Variants in EXOC6B observed in about 807,000 individuals in gnomAD.
EXOC6B encodes the protein SEC15 homolog B.
EXOC6B carries 54 observed loss-of-function variants against 113.5 expected under a neutral mutation model. The ratio of observed to expected loss-of-function variants is 0.48; its 90% confidence interval spans 0.38 to 0.60. The LOEUF is 0.60. Ranked by LOEUF, EXOC6B falls within the 20% of genes least tolerant of loss-of-function variation. The probability of loss-of-function intolerance (pLI) is 0.00; values close to 1 mark genes in which losing one functional copy is unlikely to be tolerated. For missense variants in EXOC6B, 797 were observed against 977.5 expected (o/e 0.82, Z 2.46); for synonymous variants, 357 against 339.0 (o/e 1.05, Z -0.58).
At chr2:72,337,380 C>A (rs907403164) in intron 19 of EXOC6B, among the ~76,000 whole-genome samples, 3 of 152,170 alleles carry the variant, frequency 2.0e-5, no homozygotes, top group African/African-American at 7.2e-5. Context: ...TCAAACCCTA[C>A]TTGTGTCAAA....
At chr2:72,349,082 A>G (rs1339686975) in intron 19 of EXOC6B, among the ~76,000 whole-genome samples, 1 of 152,180 alleles carries the variant, frequency 6.6e-6, no homozygotes, top group Non-Finnish European at 1.5e-5. Context: ...CCCTTGTAGA[A>G]TTTACTAGCT....
chr2:72,304,241 T>A (rs1357101595), intron 20 of EXOC6B, among the ~76,000 whole-genome samples: 1 of 152,244 alleles, frequency 6.6e-6, no homozygotes, highest in Non-Finnish European at 1.5e-5. Flanking sequence ...TTTATTCTAA[T>A]TCTCTCTCTT....
At chr2:72,444,280 C>T (rs1468645410) in intron 18 of EXOC6B, among the ~76,000 whole-genome samples, 1 of 152,238 alleles carries the variant, frequency 6.6e-6, no homozygotes, top group Non-Finnish European at 1.5e-5. Context: ...TTCCCATTAT[C>T]TTAGGCAGCT....
At chr2:72,710,630 G>A (rs2104687006) in intron 6 of EXOC6B, among the ~76,000 whole-genome samples, 1 of 152,280 alleles carries the variant, frequency 6.6e-6, no homozygotes, top group South Asian at 2.1e-4. Context: ...CATACAAGAG[G>A]CTTCAACAAT....
intron 6 of EXOC6B, among the ~76,000 whole-genome samples, chr2:72,638,089 G>T (rs1198307349): frequency 6.6e-6 from 1 of 151,982 alleles, no homozygotes; most frequent in East Asian, 1.9e-4. Flanking sequence ...TTTCTGAAAA[G>T]ATAAAATCAA....
At chr2:72,646,350 G>T (rs1402378976) in intron 6 of EXOC6B, among the ~76,000 whole-genome samples, 2 of 151,880 alleles carry the variant, frequency 1.3e-5, no homozygotes, top group Non-Finnish European at 2.9e-5. Context: ...TCACAGCTGG[G>T]TTCTACCAGA....
chr2:72,437,933 C>T (rs1695973144), intron 18 of EXOC6B, among the ~76,000 whole-genome samples: 1 of 152,128 alleles, frequency 6.6e-6, no homozygotes, highest in Non-Finnish European at 1.5e-5. Context: ...AGCTGGACTA[C>T]TAATGCAATT....
Position 72,233,618 on chromosome 2 carries a change from G to T in EXOC6B, c.2197-49431C>A, listed in dbSNP as rs537442460. Among the ~76,000 whole-genome samples, 5 of 152,156 alleles carry T rather than the reference G, an allele frequency of 3.3e-5. No individual in the cohort carries two copies. In the South Asian group the frequency reaches 6.2e-4, roughly 19 times the overall value. ...GTGGGGGCAACTCTTGAGTCCAGGG[G>T]GACCTCTACAAGCCTTAGGTCCTAG... On this transcript the variant is annotated intron_variant, in intron 20 of 21. Transcript: ENST00000272427.
chr2:72,250,400 TG>T lies in EXOC6B; in HGVS notation c.2197-66214del, dbSNP rs757640274. Among the ~76,000 whole-genome samples the T allele has an allele frequency of 1.3e-3, 194 of 152,310 alleles. 1 individual carries two copies. The highest frequency in any genetic ancestry group is 1.6e-3 in the Non-Finnish European group (109 of 68,020). On this transcript the variant is annotated intron_variant, in intron 20 of 21. Coordinates refer to ENST00000272427, the MANE Select transcript of EXOC6B (RefSeq NM_015189.3). ...CTCTGTCACTCAGGCTGGAGTGCATTGGCATGATCTTGGCTCATTGCAACTT... is the reference window on the plus strand; with the variant it reads ...CTCTGTCACTCAGGCTGGAGTGCATTGCATGATCTTGGCTCATTGCAACTT...
intron 6 of EXOC6B, among the ~76,000 whole-genome samples, chr2:72,615,802 G>A (rs941869982): frequency 6.6e-6 from 1 of 152,078 alleles, no homozygotes; most frequent in African/African-American, 2.4e-5. Flanking sequence ...AAGTCCTTCA[G>A]GAGGTATTCC....
chr2:72,387,938 T>C (rs1027269762), intron 18 of EXOC6B, among the ~76,000 whole-genome samples: 1 of 152,262 alleles, frequency 6.6e-6, no homozygotes, highest in African/African-American at 2.4e-5. Context: ...ACTTTTCTTA[T>C]AACATAAGTA....
At chr2:72,288,957 C>T in intron 20 of EXOC6B, 1 of 236,192 alleles carries the variant, frequency 4.2e-6, no homozygotes, top group Non-Finnish European at 8.5e-6. Context: ...GAGTTATCAG[C>T]CCCAGATTTG....
chr2:72,776,388 G>A (rs764045334), intron 1 of EXOC6B, among the ~76,000 whole-genome samples: 4 of 152,058 alleles, frequency 2.6e-5, no homozygotes, highest in Admixed American at 6.6e-5. Context: ...AGGCCAAGAC[G>A]GGCATACTGT....
intron 8 of EXOC6B, among the ~76,000 whole-genome samples, chr2:72,547,067 G>T: frequency 6.6e-6 from 1 of 152,342 alleles, no homozygotes; most frequent in Middle Eastern, 3.4e-3. Context: ...GCACATATGT[G>T]CATTTTGCCT....
At chr2:72,519,258 T>A (rs1701368867) in intron 8 of EXOC6B, among the ~76,000 whole-genome samples, 1 of 152,184 alleles carries the variant, frequency 6.6e-6, no homozygotes, top group Non-Finnish European at 1.5e-5. Flanking sequence ...ACGGGTGTCA[T>A]TTTCATAGTC....
At chr2:72,327,088 T>A (rs1688167481) in intron 20 of EXOC6B, among the ~76,000 whole-genome samples, 1 of 152,098 alleles carries the variant, frequency 6.6e-6, no homozygotes, top group South Asian at 2.1e-4. Context: ...CTGCTTGTCT[T>A]CACATATCTG....
intron 18 of EXOC6B, among the ~76,000 whole-genome samples, chr2:72,439,904 A>T (rs948711041): frequency 3.3e-5 from 5 of 151,678 alleles, no homozygotes; most frequent in Non-Finnish European, 7.4e-5. Flanking sequence ...ATTTTTTTTT[A>T]TACAAATTGG....
chr2:72,634,753 C>T (rs1179612710), intron 6 of EXOC6B, among the ~76,000 whole-genome samples: 3 of 152,292 alleles, frequency 2.0e-5, no homozygotes, highest in African/African-American at 7.2e-5. Context: ...TCTCCTTAAT[C>T]AAACTGCTGA....
At chr2:72,353,077 G>A (rs1176554144) in intron 19 of EXOC6B, among the ~76,000 whole-genome samples, 1 of 152,128 alleles carries the variant, frequency 6.6e-6, no homozygotes, top group Non-Finnish European at 1.5e-5. Flanking sequence ...TGGCCTACAT[G>A]GGTGAAAGGA....
Sources: gnomAD v4.1 joint callset for allele counts (sites outside exome capture counted in the v4.1 genomes callset) on GRCh38, gnomAD v4.1.1 for gene constraint, MANE v1.5 for transcripts, NCBI Gene and HGNC (gene_info 2026-07-23, HGNC 2026-07-21) for gene names.